Variants in ALDH18A1 observed in about 807,000 individuals in gnomAD.
ALDH18A1 encodes aldehyde dehydrogenase 18 family member A1.
Under a neutral mutation model 88.8 loss-of-function variants are expected in ALDH18A1, and 44 were observed. The ratio of observed to expected loss-of-function variants is 0.50; its 90% CI spans 0.39 to 0.64. The LOEUF (loss-of-function observed/expected upper bound fraction) is 0.64. Among genes scored for constraint, ALDH18A1 ranks in the 30% least tolerant of loss-of-function variants. The pLI, the probability that ALDH18A1 is intolerant of heterozygous loss-of-function variation, is 0.00. For missense variants in ALDH18A1, 782 were observed against 1,009.5 expected (o/e 0.77, Z 3.05); for synonymous variants, 331 against 372.1 (o/e 0.89, Z 1.27).
At chr10:95,618,324 T>C (rs905681462) in intron 12 of ALDH18A1, among the ~76,000 whole-genome samples, 2 of 152,156 alleles carry the variant, frequency 1.3e-5, no homozygotes, top group Non-Finnish European at 2.9e-5. Context: ...GAGGGTTGCA[T>C]TCTTTTCTCT....
intron 12 of ALDH18A1, among the ~76,000 whole-genome samples, chr10:95,617,107 C>A (rs2097845450): frequency 6.6e-6 from 1 of 152,164 alleles, no homozygotes; most frequent in African/African-American, 2.4e-5. Context: ...ATTAGCCGGG[C>A]ATGGTGGCAG....
At chr10:95,652,107 A>G (rs546859526) in intron 2 of ALDH18A1, among the ~76,000 whole-genome samples, 2 of 152,398 alleles carry the variant, frequency 1.3e-5, no homozygotes, top group South Asian at 4.1e-4. Context: ...TATGCTGAAG[A>G]AAACAGAATT....
intron 2 of ALDH18A1, among the ~76,000 whole-genome samples, chr10:95,645,162 C>T (rs1223659943): frequency 1.3e-5 from 2 of 152,144 alleles, no homozygotes; most frequent in African/African-American, 4.8e-5. Context: ...AGCAAATAGA[C>T]GTTCCTCCCT....
intron 7 of ALDH18A1, chr10:95,628,842 T>A (rs1483529790): frequency 3.0e-6 from 1 of 335,286 alleles, no homozygotes; most frequent in Non-Finnish European, 5.8e-6. Context: ...AGGACAGAAC[T>A]GAAAAAGAAG....
At position 95,633,652 on chromosome 10, in the gene ALDH18A1, A is replaced by C; in HGVS notation, c.559-3T>G. 1 of 1,614,018 alleles carries C rather than the reference A, an allele frequency of 6.2e-7. No homozygotes were observed. The highest frequency in any genetic ancestry group is 2.2e-5 in the East Asian group (1 of 44,880). ...AAATCCAAATTGGTCACCAAAATCT[A>C]AAAGGATTAAATAGATGGAAAATGC... On this transcript the variant is annotated splice_polypyrimidine_tract_variant and splice_region_variant and intron_variant, in intron 5 of 17. Transcript: ENST00000371224.
intron 11 of ALDH18A1, among the ~76,000 whole-genome samples, chr10:95,625,107 T>C (rs1293137319): frequency 2.6e-5 from 4 of 152,194 alleles, no homozygotes; most frequent in African/African-American, 9.6e-5. Context: ...TTGTTCTTTT[T>C]TGTCCTGACC....
At chr10:95,610,111 G>A (rs1490895129) in intron 17 of ALDH18A1, 86 bp downstream of exon 17, 1 of 1,261,100 alleles carries the variant, frequency 7.9e-7, no homozygotes, top group East Asian at 2.4e-5. Flanking sequence ...CAGTCAAGGG[G>A]AGGTGTCTTT....
intron 12 of ALDH18A1, among the ~76,000 whole-genome samples, chr10:95,616,901 C>A (rs977198888): frequency 1.3e-5 from 2 of 152,192 alleles, no homozygotes; most frequent in Non-Finnish European, 2.9e-5. Context: ...CCAGAACAAA[C>A]CACTGGATTT....
intron 1 of ALDH18A1, among the ~76,000 whole-genome samples, chr10:95,653,753 G>T (rs1229126576): frequency 6.6e-6 from 1 of 152,194 alleles, no homozygotes; most frequent in Non-Finnish European, 1.5e-5. Flanking sequence ...TATAATTCCT[G>T]TAACAGATCC....
intron 2 of ALDH18A1, among the ~76,000 whole-genome samples, chr10:95,644,686 T>A (rs2097898121): frequency 6.6e-6 from 1 of 152,202 alleles, no homozygotes; most frequent in Non-Finnish European, 1.5e-5. Context: ...TTTCCCAGCC[T>A]TTCTTGCTCA....
intron 17 of ALDH18A1, among the ~76,000 whole-genome samples, chr10:95,609,356 C>T (rs2097828822): frequency 6.6e-6 from 1 of 152,202 alleles, no homozygotes; most frequent in Admixed American, 6.5e-5. Flanking sequence ...TGTTTTGATG[C>T]TGGTACTTAG....
At chr10:95,607,019 T>C in intron 17 of ALDH18A1, 76 bp from the exon 18 acceptor site, 3 of 1,452,780 alleles carry the variant, frequency 2.1e-6, no homozygotes, top group Non-Finnish European at 2.9e-6. Flanking sequence ...CCCACCCTGC[T>C]GCTTTCCCCT....
intron 2 of ALDH18A1, among the ~76,000 whole-genome samples, chr10:95,643,815 T>C (rs1009393487): frequency 7.2e-5 from 11 of 152,216 alleles, no homozygotes; most frequent in Admixed American, 7.2e-4. Context: ...CAGAAAAATA[T>C]GGGTGTTTCT....
chr10:95,632,810 A>T, intron 7 of ALDH18A1, 149 bp downstream of exon 7: 1 of 711,666 alleles, frequency 1.4e-6, no homozygotes. Context: ...CCCTGTTTTG[A>T]GTCATAAAAG....
At chr10:95,640,543 T>C (rs1401175200) in intron 3 of ALDH18A1, among the ~76,000 whole-genome samples, 1 of 152,184 alleles carries the variant, frequency 6.6e-6, no homozygotes, top group Non-Finnish European at 1.5e-5. Context: ...GGTTTCACCA[T>C]GTTGGCCAGG....
At chr10:95,611,121 A>G (rs905861139) in intron 16 of ALDH18A1, 135 bp downstream of exon 16, 3 of 1,039,160 alleles carry the variant, frequency 2.9e-6, no homozygotes, top group Admixed American at 2.0e-5. Flanking sequence ...TCAAAGTACC[A>G]AATGCAACCA....
At chr10:95,634,492 A>G (rs7909569) in intron 5 of ALDH18A1, among the ~76,000 whole-genome samples, 116,270 of 152,208 alleles carry the variant, frequency 0.76, 45,278 homozygotes, top group Middle Eastern at 0.86. Context: ...GTGAAAGTGT[A>G]TTAGACAAAA....
At position 95,606,744 on chromosome 10, in the gene ALDH18A1, G is replaced by A. The variant is rs548288287; in HGVS notation, c.*18C>T. On this transcript the variant is annotated 3_prime_UTR_variant, in exon 18 of 18. Coordinates refer to ENST00000371224, the MANE Select transcript of ALDH18A1 (RefSeq NM_002860.4). ...CGTGAAGACCTTTTGGAAAATTCCC[G>A]GGTTTTCCTGGCTCTTTTCAGTTGG... 23 of 1,614,046 alleles carry A rather than the reference G, an allele frequency of 1.4e-5. No homozygotes were observed. The highest frequency in any genetic ancestry group is 1.3e-4 in the East Asian group (6 of 44,890).
chr10:95,656,133 C>A (rs1351037775), intron 1 of ALDH18A1, among the ~76,000 whole-genome samples: 1 of 152,284 alleles, frequency 6.6e-6, no homozygotes, highest in Non-Finnish European at 1.5e-5. Flanking sequence ...AACTAGGGAC[C>A]CAGGCCCCTG....
Sources: gnomAD v4.1 joint callset for allele counts (sites outside exome capture counted in the v4.1 genomes callset) on GRCh38, gnomAD v4.1.1 for gene constraint, MANE v1.5 for transcripts, NCBI Gene and HGNC (gene_info 2026-07-23, HGNC 2026-07-21) for gene names.